The following ZNF317 variants were observed in gnomAD, a reference collection of about 807,000 sequenced individuals.
ZNF317 encodes KRAB-containing zinc finger protein 317.
ZNF317 carries 17 observed loss-of-function variants against 23.4 expected under a neutral mutation model. The observed-to-expected ratio is 0.73, with a 90% confidence interval of 0.50 to 1.09. The LOEUF is 1.09. ZNF317 is among the 50% of genes least tolerant of loss of function. ZNF317 has a pLI of 0.00. For synonymous variants in ZNF317, 317 were observed against 314.9 expected, an observed-to-expected ratio of 1.01 and a Z score of -0.07; for missense variants, 679 against 796.7, an observed-to-expected ratio of 0.85 and a Z score of 1.78.
intron 2 of ZNF317, 151 bp from the exon 3 acceptor site, chr19:9,156,461 A>G (rs1050478780): frequency 6.5e-5 from 67 of 1,028,986 alleles, no homozygotes; most frequent in Admixed American, 2.5e-4. Context: ...TATGAAACTG[A>G]TGTGTGCAAG....
chr19:9,161,586 G>A lies in ZNF317; in HGVS notation c.*153G>A. The A allele has an allele frequency of 8.5e-7, 1 of 1,180,392 alleles. No individual in the cohort carries two copies. Among genetic ancestry groups the A allele is most frequent in the Non-Finnish European group, 1.2e-6 (1 of 852,594 alleles). 73.1% of individuals were successfully genotyped at this position (1,180,392 alleles called of 1,614,324 possible). A position where few individuals can be genotyped will look rare whatever the true frequency, so the allele number is the denominator to read the frequency against. ...TTCCTGTAAAAACTGGGAAGACGAG[G>A]CGTTCTCATCCCATAGGAGGTTTGT... On this transcript the variant is annotated 3_prime_UTR_variant, in exon 7 of 7. Coordinates refer to ENST00000247956, the MANE Select transcript of ZNF317 (RefSeq NM_020933.5). This position sits in a 1 kb window ranked among gnomAD's most constrained non-coding sequence, Gnocchi z 4.0.
Position 9,160,194 on chromosome 19 carries a change from G to A in ZNF317, c.549G>A (p.Gln183=). ...EVFGMDPHLT[Q]PMGRHAGKRP... ...TTGGCATGGACCCTCATCTCACTCA[G>A]CCAATGGGAAGGCACGCTGGCAAGA... Residue 183 remains glutamine (Q), a synonymous_variant, in exon 7 of 7, where the codon CAG becomes CAA. Coordinates refer to ENST00000247956, the MANE Select transcript of ZNF317 (RefSeq NM_020933.5). The surrounding 1 kb of genome is among the most constrained non-coding windows in gnomAD (Gnocchi z 6.8). 1 of 1,614,154 alleles carries A rather than the reference G, an allele frequency of 6.2e-7. No homozygotes were observed. Among genetic ancestry groups the A allele is most frequent in the Non-Finnish European group, 8.5e-7 (1 of 1,180,040 alleles).
At position 9,161,380 on chromosome 19, in the gene ZNF317, A is replaced by G. The variant is rs762786999; in HGVS notation, c.1735A>G (p.Thr579Ala). The change falls in exon 7 of 7, where the codon ACT becomes GCT. Residue 579 changes from threonine (T) to alanine (A), a missense_variant. Transcript: ENST00000247956. The surrounding 1 kb of genome is among the most constrained non-coding windows in gnomAD (Gnocchi z 4.0). ...CTCATCCCTCAGGAGCCACGTGAAA[A>G]CTCACCGGGGAGAGAAGCTCTTTGT... ...DHSSLRSHVK[T>A]HRGEKLFVSS... The G allele has an allele frequency of 5.0e-6, 8 of 1,613,984 alleles. No homozygotes were observed. Among genetic ancestry groups the G allele is most frequent in the Non-Finnish European group, 6.8e-6 (8 of 1,179,968 alleles).
In ZNF317 at chr19:9,159,513, G is replaced by T. The variant is rs1388330589; in HGVS notation, c.469-601G>T. On this transcript the variant is annotated intron_variant, in intron 6 of 6. Coordinates refer to ENST00000247956, the MANE Select transcript of ZNF317 (RefSeq NM_020933.5). ...CACCATGCCCAGCCTCAATTCAGTG[G>T]TTTTTGTTTGTTTGTTTTTGTTGTT... Among the ~76,000 whole-genome samples, 3 of 144,864 alleles carry T rather than the reference G, an allele frequency of 2.1e-5. No individual in the cohort carries two copies. The East Asian group carries it at 6.5e-4, about 31-fold the overall frequency.
intron 1 of ZNF317, among the ~76,000 whole-genome samples, chr19:9,143,557 T>C (rs2050653415): frequency 6.6e-6 from 1 of 152,074 alleles, no homozygotes; most frequent in Admixed American, 6.6e-5. Flanking sequence ...TTTTTTCTGG[T>C]TATCTTTTGG....
At chr19:9,157,231 G>A in intron 3 of ZNF317, 37 bp from the exon 4 acceptor site, 1 of 1,609,518 alleles carries the variant, frequency 6.2e-7, no homozygotes, top group South Asian at 1.1e-5. Flanking sequence ...TCGTTAGGCT[G>A]GTTCCTCGCT....
intron 4 of ZNF317, 99 bp downstream of exon 4, chr19:9,157,493 C>T: frequency 6.7e-7 from 1 of 1,484,966 alleles, no homozygotes; most frequent in Admixed American, 1.8e-5. Context: ...GTTCAGAACG[C>T]AGCTGTGAAC....
At chr19:9,146,135 G>A (rs2050680923) in intron 1 of ZNF317, among the ~76,000 whole-genome samples, 1 of 151,162 alleles carries the variant, frequency 6.6e-6, no homozygotes, top group East Asian at 1.9e-4. Flanking sequence ...TTAATTTCTT[G>A]CCAGCACATG....
At chr19:9,154,308 A>G (rs1464981077) in intron 1 of ZNF317, among the ~76,000 whole-genome samples, 1 of 152,178 alleles carries the variant, frequency 6.6e-6, no homozygotes, top group Non-Finnish European at 1.5e-5. Flanking sequence ...ATTTTTGACA[A>G]TTGTGTACAC....
In ZNF317 at chr19:9,157,270, A is replaced by G; in HGVS notation, c.165A>G (p.Glu55=). The change falls in exon 4 of 7, where the codon GAA becomes GAG. Residue 55 remains glutamate, a splice_region_variant and synonymous_variant. Coordinates refer to ENST00000247956, the MANE Select transcript of ZNF317 (RefSeq NM_020933.5). ...CCCAAGTTTGTGTGGCGTTCCAGGA[A>G]TCGGTGACTTTCCAAGATGTCGCTG... ...EPHTPSVGSQ[E]SVTFQDVAVD... 6.2e-7 allele frequency: 1 copy of G among 1,613,714 alleles called. No individual in the cohort carries two copies. The highest frequency in any genetic ancestry group is 8.5e-7 in the Non-Finnish European group (1 of 1,179,836).
intron 2 of ZNF317, 144 bp from the exon 3 acceptor site, chr19:9,156,468 C>G: frequency 1.8e-6 from 2 of 1,112,962 alleles, no homozygotes; most frequent in African/African-American, 1.6e-5. Flanking sequence ...CTGATGTGTG[C>G]AAGAGAGGTG....
At chr19:9,143,946 T>G (rs539525102) in intron 1 of ZNF317, among the ~76,000 whole-genome samples, 15 of 149,314 alleles carry the variant, frequency 1.0e-4, no homozygotes, top group Admixed American at 2.7e-4. Context: ...TTTACTTGCC[T>G]TATATATCCT....
Position 9,160,663 on chromosome 19 carries a change from G to C in ZNF317, c.1018G>C (p.Gly340Arg). 6.2e-7 allele frequency: 1 copy of C among 1,614,090 alleles called. No individual in the cohort carries two copies. Among genetic ancestry groups the C allele is most frequent in the Non-Finnish European group, 8.5e-7 (1 of 1,180,028 alleles). Residue 340 changes from glycine to arginine, a missense_variant, in exon 7 of 7, where the codon GGG (glycine) becomes CGG (arginine). Transcript: ENST00000247956. The surrounding 1 kb of genome is among the most constrained non-coding windows in gnomAD (Gnocchi z 6.8). ...GERPYECHDC[G>R]KAFQHPSHLK... is the part of the protein sequence containing the mutation. ...GAGGCCCTACGAGTGTCACGACTGT[G>C]GGAAAGCTTTCCAGCACCCCTCCCA...
intron 1 of ZNF317, among the ~76,000 whole-genome samples, chr19:9,149,223 C>CA (rs2050715143): frequency 6.6e-6 from 1 of 152,060 alleles, no homozygotes; most frequent in South Asian, 2.1e-4. Context: ...CAGGGGTTTG[C>CA]ATTTTAAAAA....
chr19:9,158,356 C>CTT (rs373466874), intron 5 of ZNF317, among the ~76,000 whole-genome samples: 2 of 74,874 alleles, frequency 2.7e-5, no homozygotes, highest in African/African-American at 1.3e-4. Flanking sequence ...CCTTAAATTT[C>CTT]TTTTTTCTTT....
At chr19:9,157,681 C>CTTTT (rs566513253) in intron 4 of ZNF317, 14 of 346,340 alleles carry the variant, frequency 4.0e-5, no homozygotes, top group South Asian at 1.9e-4. Context: ...TTTCCTATTT[C>CTTTT]TTTTTTTTTT....
At position 9,144,148 on chromosome 19, in the gene ZNF317, G is replaced by A. The variant is rs190335477; in HGVS notation, c.-93+3556G>A. Among the ~76,000 whole-genome samples the A allele has an allele frequency of 1.1e-3, 161 of 151,892 alleles. 3 individuals carry two copies. Among genetic ancestry groups the A allele is most frequent in the Admixed American group, 9.6e-3 (146 of 15,238 alleles). On this transcript the variant is annotated intron_variant, in intron 1 of 6. Transcript: ENST00000247956. ...CTCCCAAGTAGCTGGAAGTACAGGC[G>A]CATGGCACCACACCCAGCTAATTTT...
At chr19:9,147,330 G>GTTTTTTTTTTTTTTT (rs35259257) in intron 1 of ZNF317, among the ~76,000 whole-genome samples, 4 of 110,172 alleles carry the variant, frequency 3.6e-5, no homozygotes, top group African/African-American at 1.6e-4. Context: ...AATGACACTG[G>GTTTTTTTTTTTTTTT]TTTTTTTTTT....
chr19:9,143,040 G>C (rs189587773), intron 1 of ZNF317, among the ~76,000 whole-genome samples: 70 of 152,286 alleles, frequency 4.6e-4, no homozygotes, highest in Non-Finnish European at 9.0e-4. Context: ...TTTCTTTGTG[G>C]AAAGTTTTAA....
Sources: gnomAD v4.1 joint callset for allele counts (sites outside exome capture counted in the v4.1 genomes callset) on GRCh38, gnomAD v4.1.1 for gene constraint, Gnocchi (gnomAD v3.1) non-coding constraint, MANE v1.5 for transcripts, NCBI Gene and HGNC (gene_info 2026-07-23, HGNC 2026-07-21) for gene names.